Variants in TRAPPC4 observed in about 807,000 individuals in gnomAD.
TRAPPC4 encodes trafficking protein particle complex subunit 4, also known as TRS23 homolog.
TRAPPC4 carries 30 observed loss-of-function variants against 23.5 expected under a neutral mutation model. That is an observed-to-expected ratio of 1.28 (90% CI 0.96 to 1.73). The LOEUF (loss-of-function observed/expected upper bound fraction) is 1.73. Among genes scored for constraint, TRAPPC4 ranks in the 40% most tolerant of loss-of-function variants. The pLI is 0.00. For synonymous variants in TRAPPC4, 129 were observed against 105.3 expected (o/e 1.23, Z -1.38); for missense variants, 252 against 268.9 (o/e 0.94, Z 0.44).
At chr11:119,023,064 A>C (rs1943433376) in intron 4 of TRAPPC4, 1 of 265,818 alleles carries the variant, frequency 3.8e-6, no homozygotes, top group African/African-American at 2.3e-5. Context: ...TTCCGGGTTC[A>C]GGCGATTCTT....
Position 119,020,199 on chromosome 11 carries a change from A to G in TRAPPC4, c.400A>G (p.Ile134Val), listed in dbSNP as rs1943313406. The G allele has an allele frequency of 4.3e-6, 7 of 1,614,048 alleles. No homozygotes were observed. Among genetic ancestry groups the G allele is most frequent in the Non-Finnish European group, 5.1e-6 (6 of 1,180,022 alleles). ...GTCTCCTGAACAGGGAAGCTCAGGC[A>G]TTGAGATGCTGGAGACAGACACATT... Reference protein sequence around the residue: ...QLSPEQGSSGIEMLETDTFKL... With the variant: ...QLSPEQGSSGVEMLETDTFKL... Residue 134 changes from isoleucine to valine, a missense_variant, in exon 3 of 5, where the codon ATT becomes GTT. By Grantham distance (29) the Ile-to-Val change is conservative. Coordinates refer to ENST00000533632, the MANE Select transcript of TRAPPC4 (RefSeq NM_016146.6).
Position 119,021,869 on chromosome 11 carries a change from C to T in TRAPPC4, c.564C>T (p.Ser188=), listed in dbSNP as rs2134610154. The part of the protein sequence containing the change: ...SDFALKNPFY[S]LEMPIRCELF... ...TTGCCCTCAAGAATCCATTCTATTC[C>T]TTAGAAATGCCTATCAGGTAAGTGG... Residue 188 remains serine (S), a synonymous_variant, in exon 4 of 5, where the codon TCC becomes TCT. Coordinates refer to ENST00000533632, the MANE Select transcript of TRAPPC4 (RefSeq NM_016146.6). 6.2e-7 allele frequency: 1 copy of T among 1,614,142 alleles called. No homozygotes were observed. The highest frequency in any genetic ancestry group is 2.2e-5 in the East Asian group (1 of 44,884).
At chr11:119,021,612 T>C in intron 3 of TRAPPC4, 148 bp from the exon 4 acceptor site, 1 of 820,420 alleles carries the variant, frequency 1.2e-6, no homozygotes. Context: ...TTCAAAGTCT[T>C]GCCTTTCCTG....
chr11:119,022,006 C>A lies in TRAPPC4; in HGVS notation c.581+120C>A. 11 of 1,299,480 alleles carry A rather than the reference C, an allele frequency of 8.5e-6. No individual in the cohort carries two copies. In the South Asian group the frequency reaches 1.5e-4, roughly 18 times the overall value. The allele number at this position is 1,299,480 out of a possible 1,614,324, so 80.5% of individuals were successfully genotyped here. On this transcript the variant is annotated intron_variant, in intron 4 of 4. Coordinates refer to ENST00000533632, the MANE Select transcript of TRAPPC4 (RefSeq NM_016146.6). ...TTTTTTTGTTTGTTTGTTTTTGAGACGGAGTTTCGCTCTTGTTGCCCAGGC... is the reference window on the plus strand; with the variant it reads ...TTTTTTTGTTTGTTTGTTTTTGAGAAGGAGTTTCGCTCTTGTTGCCCAGGC...
intron 4 of TRAPPC4, 81 bp from the exon 5 acceptor site, chr11:119,023,240 C>A: frequency 7.3e-7 from 1 of 1,375,516 alleles, no homozygotes; most frequent in Non-Finnish European, 1.0e-6. Flanking sequence ...ATATGTTGTT[C>A]TTCAAGCAGT....
In TRAPPC4 at chr11:119,019,139, G is replaced by A; in HGVS notation, c.176-4G>A. The A allele has an allele frequency of 6.2e-7, 1 of 1,613,790 alleles. No individual in the cohort carries two copies. Among genetic ancestry groups the A allele is most frequent in the Non-Finnish European group, 8.5e-7 (1 of 1,179,786 alleles). On this transcript the variant is annotated splice_region_variant and splice_polypyrimidine_tract_variant and intron_variant, in intron 1 of 4. Coordinates refer to ENST00000533632, the MANE Select transcript of TRAPPC4 (RefSeq NM_016146.6). ...TTCGCTGACCGTTAGCTTCACCTCT[G>A]CAGTGGGTCATGCAGTGCTGGCCAT... is the stretch of plus-strand genomic sequence containing the variant.
At chr11:119,022,735 C>G (rs1943402374) in intron 4 of TRAPPC4, among the ~76,000 whole-genome samples, 1 of 151,952 alleles carries the variant, frequency 6.6e-6, no homozygotes, top group Admixed American at 6.6e-5. Flanking sequence ...GCTAAAAATA[C>G]TGAAAATACA....
intron 4 of TRAPPC4, 112 bp from the exon 5 acceptor site, chr11:119,023,209 C>A: frequency 1.0e-6 from 1 of 990,298 alleles, no homozygotes; most frequent in Non-Finnish European, 1.6e-6. Flanking sequence ...AGCTGATCCG[C>A]CCACCTCAGC....
At chr11:119,020,094 G>A in intron 2 of TRAPPC4, 56 bp from the exon 3 acceptor site, 1 of 1,307,540 alleles carries the variant, frequency 7.6e-7, no homozygotes, top group Non-Finnish European at 1.1e-6. Context: ...GGACACTTCA[G>A]TGGAAGTTTG....
chr11:119,020,089 C>A, intron 2 of TRAPPC4, 61 bp from the exon 3 acceptor site: 2 of 1,253,212 alleles, frequency 1.6e-6, no homozygotes, highest in South Asian at 1.3e-5. Flanking sequence ...AATAGGGACA[C>A]TTCAGTGGAA....
intron 3 of TRAPPC4, chr11:119,021,448 T>C (rs1943355900): frequency 4.0e-6 from 1 of 249,130 alleles, no homozygotes; most frequent in African/African-American, 2.3e-5. Context: ...TCTTCATTTA[T>C]TGAAAACTGC....
At position 119,019,216 on chromosome 11, in the gene TRAPPC4, G is replaced by A; in HGVS notation, c.249G>A (p.Leu83=). ...ACACGGCCGACGGGAAAGAGGTGCT[G>A]GAGTATCTGGGTAACCCTGCTAATT... ...GRYTADGKEV[L]EYLGNPANYP... is the part of the protein sequence containing the mutation. Residue 83 remains leucine (L), a synonymous_variant, in exon 2 of 5, where the codon CTG becomes CTA. Coordinates refer to ENST00000533632, the MANE Select transcript of TRAPPC4 (RefSeq NM_016146.6). 1 of 1,614,234 alleles carries A rather than the reference G, an allele frequency of 6.2e-7. No homozygotes were observed. The highest frequency in any genetic ancestry group is 1.1e-5 in the South Asian group (1 of 91,088).
At chr11:119,021,739 C>G (rs1943363088) in intron 3 of TRAPPC4, 21 bp from the exon 4 acceptor site, 2 of 1,613,360 alleles carry the variant, frequency 1.2e-6, no homozygotes, top group East Asian at 4.5e-5. Context: ...GCTTTGGTAA[C>G]CATTCTTGGT....
At chr11:119,021,715 G>A in intron 3 of TRAPPC4, 45 bp from the exon 4 acceptor site, 2 of 1,607,104 alleles carry the variant, frequency 1.2e-6, no homozygotes, top group South Asian at 1.1e-5. Context: ...GACACTATTT[G>A]CTCCAGTGTC....
chr11:119,019,032 G>T, intron 1 of TRAPPC4, 62 bp downstream of exon 1: 1 of 1,593,316 alleles, frequency 6.3e-7, no homozygotes, highest in Non-Finnish European at 8.6e-7. Flanking sequence ...CTGTAGAAGT[G>T]GGCTGGTTGT....
At position 119,020,209 on chromosome 11, in the gene TRAPPC4, T is replaced by A; in HGVS notation, c.410T>A (p.Leu137Gln). Residue 137 changes from leucine (L) to glutamine (Q), a missense_variant, in exon 3 of 5, where the codon CTG becomes CAG. Physicochemically the swap from Leu to Gln is moderately radical, Grantham distance 113. This residue lies in a region of TRAPPC4 where 222 missense variants were observed against 217.8 expected (regional missense o/e 1.02). Transcript: ENST00000533632. Reference sequence around the variant, plus strand: ...CAGGGAAGCTCAGGCATTGAGATGCTGGAGACAGACACATTCAAATTGCAC... The same window carrying A: ...CAGGGAAGCTCAGGCATTGAGATGCAGGAGACAGACACATTCAAATTGCAC... ...PEQGSSGIEMLETDTFKLHCY... is the reference protein window; with the variant it reads ...PEQGSSGIEMQETDTFKLHCY... 3 of 1,613,984 alleles carry A rather than the reference T, an allele frequency of 1.9e-6. No individual in the cohort carries two copies. Among genetic ancestry groups the A allele is most frequent in the Non-Finnish European group, 2.5e-6 (3 of 1,180,020 alleles).
In TRAPPC4 at chr11:119,023,481, C is replaced by T; in HGVS notation, c.*82C>T. ...GTTGACACTCCAGTGGAAATCCCAGCAGCCTTGTTAGTGCACTTGAAAGTG... is the reference window on the plus strand; with the variant it reads ...GTTGACACTCCAGTGGAAATCCCAGTAGCCTTGTTAGTGCACTTGAAAGTG... On this transcript the variant is annotated 3_prime_UTR_variant, in exon 5 of 5. Transcript: ENST00000533632. 2 of 1,391,186 alleles carry T rather than the reference C, an allele frequency of 1.4e-6. No individual in the cohort carries two copies. Among genetic ancestry groups the T allele is most frequent in the East Asian group, 2.3e-5 (1 of 43,628 alleles). 86.2% of individuals were successfully genotyped at this position (1,391,186 alleles called of 1,614,324 possible). A position where few individuals can be genotyped will look rare whatever the true frequency, so the allele number is the denominator to read the frequency against.
intron 4 of TRAPPC4, among the ~76,000 whole-genome samples, chr11:119,022,514 G>A (rs1943393113): frequency 6.6e-6 from 1 of 152,148 alleles, no homozygotes; most frequent in South Asian, 2.1e-4. Context: ...CTTAAACCTG[G>A]AAGGTCAAGG....
chr11:119,020,114 C>G, intron 2 of TRAPPC4, 36 bp from the exon 3 acceptor site: 2 of 1,525,492 alleles, frequency 1.3e-6, no homozygotes, highest in Non-Finnish European at 9.1e-7. Flanking sequence ...GAGAAGCACT[C>G]CTTCCTTAGA....
Sources: allele counts gnomAD v4.1 joint callset (sites outside exome capture counted in the v4.1 genomes callset), GRCh38; gene constraint gnomAD v4.1.1; regional missense constraint gnomAD v4.1.1; transcripts MANE v1.5; gene names NCBI Gene and HGNC (gene_info 2026-07-23, HGNC 2026-07-21).